GRM5: variants seen among roughly 807,000 people sequenced by gnomAD.
GRM5 encodes the protein metabotropic glutamate receptor 5.
A neutral mutation model predicts 83.1 loss-of-function variants in GRM5; 19 were observed. The ratio of observed to expected loss-of-function variants is 0.23; its 90% CI spans 0.16 to 0.34. The LOEUF (loss-of-function observed/expected upper bound fraction) is 0.34, where lower values mean the gene tolerates loss of function less well. GRM5 is among the 10% of genes least tolerant of loss of function. GRM5 has a pLI of 1.00. For synonymous variants in GRM5, 675 were observed against 633.6 expected, an observed-to-expected ratio of 1.07 and a Z score of -0.98; for missense variants, 1,160 against 1,588.3, an observed-to-expected ratio of 0.73 and a Z score of 4.58.
intron 1 of GRM5, among the ~76,000 whole-genome samples, chr11:89,051,328 A>G (rs1341572972): frequency 6.6e-6 from 1 of 152,066 alleles, no homozygotes; most frequent in African/African-American, 2.4e-5. Context: ...TACAACATGA[A>G]GAACATGGGA....
intron 3 of GRM5, among the ~76,000 whole-genome samples, chr11:88,679,633 C>T (rs556268105): frequency 1.3e-5 from 2 of 152,034 alleles, no homozygotes; most frequent in African/African-American, 4.8e-5. Context: ...TATCCTGGGG[C>T]TCAAATACTT....
intron 3 of GRM5, among the ~76,000 whole-genome samples, chr11:88,803,872 G>A (rs1005212784): frequency 1.8e-4 from 28 of 152,250 alleles, no homozygotes; most frequent in East Asian, 9.6e-4. Flanking sequence ...AAAAGTGGGC[G>A]AAGGACATGA....
At chr11:89,042,156 T>G (rs914527619) in intron 2 of GRM5, among the ~76,000 whole-genome samples, 1 of 152,206 alleles carries the variant, frequency 6.6e-6, no homozygotes, top group Non-Finnish European at 1.5e-5. Flanking sequence ...GCAATTCTCC[T>G]GTGAAGGCTA....
intron 2 of GRM5, among the ~76,000 whole-genome samples, chr11:88,887,747 C>T (rs578069610): frequency 1.3e-5 from 2 of 152,304 alleles, no homozygotes; most frequent in South Asian, 4.1e-4. Context: ...TCAGCCTGCA[C>T]TCCCCTGGAG....
chr11:88,607,663 C>A (rs1376822337), intron 4 of GRM5, among the ~76,000 whole-genome samples: 1 of 152,202 alleles, frequency 6.6e-6, no homozygotes, highest in East Asian at 1.9e-4. Flanking sequence ...CCCCTTATTC[C>A]TTTGACTCAA....
chr11:88,978,505 A>C (rs12277371), intron 2 of GRM5, among the ~76,000 whole-genome samples: 5,760 of 99,926 alleles, frequency 0.058, 506 homozygotes, highest in African/African-American at 0.19. Flanking sequence ...AAAAAAAAAA[A>C]AAAAAAAAAA....
intron 2 of GRM5, among the ~76,000 whole-genome samples, chr11:88,857,631 G>A (rs1173942535): frequency 6.6e-6 from 1 of 152,022 alleles, no homozygotes; most frequent in Admixed American, 6.6e-5. Flanking sequence ...TCCCACTACA[G>A]CCATATGTGC....
chr11:89,008,602 A>G (rs1940595494), intron 2 of GRM5, among the ~76,000 whole-genome samples: 1 of 152,274 alleles, frequency 6.6e-6, no homozygotes, highest in East Asian at 1.9e-4. Context: ...AACTCAAAGA[A>G]CACAATCATG....
chr11:88,867,848 T>C (rs1944699441), intron 2 of GRM5, among the ~76,000 whole-genome samples: 1 of 151,892 alleles, frequency 6.6e-6, no homozygotes, highest in African/African-American at 2.4e-5. Context: ...TTTCTGTTGT[T>C]TACGAACCAC....
chr11:88,614,017 C>T (rs936709815), intron 4 of GRM5, among the ~76,000 whole-genome samples: 2 of 152,154 alleles, frequency 1.3e-5, no homozygotes, highest in African/African-American at 4.8e-5. Context: ...CAGTGACAAT[C>T]TCTGAGGCCA....
At chr11:89,041,349 T>C (rs534158832) in intron 2 of GRM5, among the ~76,000 whole-genome samples, 38 of 152,296 alleles carry the variant, frequency 2.5e-4, no homozygotes, top group African/African-American at 8.9e-4. Flanking sequence ...ATCCTGGACA[T>C]GGAGTATTTG....
intron 2 of GRM5, among the ~76,000 whole-genome samples, chr11:89,038,177 GT>G (rs1312430125): frequency 6.6e-6 from 1 of 151,732 alleles, no homozygotes; most frequent in Non-Finnish European, 1.5e-5. Flanking sequence ...GTGTGTGTGT[GT>G]GAAAATCAAT....
intron 3 of GRM5, among the ~76,000 whole-genome samples, chr11:88,663,858 A>G (rs529267264): frequency 7.9e-5 from 12 of 152,338 alleles, no homozygotes; most frequent in African/African-American, 2.9e-4. Flanking sequence ...TAATTTTTTT[A>G]TTGAACACCT....
intron 3 of GRM5, among the ~76,000 whole-genome samples, chr11:88,800,721 C>T (rs1324360885): frequency 6.6e-6 from 1 of 152,088 alleles, no homozygotes; most frequent in Non-Finnish European, 1.5e-5. Flanking sequence ...TAAGTCCCTC[C>T]TCTATCAGTT....
At chr11:88,521,178 G>T (rs1023046094) in intron 9 of GRM5, among the ~76,000 whole-genome samples, 1 of 152,146 alleles carries the variant, frequency 6.6e-6, no homozygotes, top group African/African-American at 2.4e-5. Flanking sequence ...AGCTTTTTGG[G>T]AGGCCTAGGT....
In GRM5 at chr11:88,820,374, C is replaced by CAAAAAA. The variant is rs11457342; in HGVS notation, c.911+29526_911+29531dup. ...TGGGCAACAGAGCAAAACTCCATCT[C>CAAAAAA]AAAAAAAAAAAAAAAAAAAGCCAAT... On this transcript the variant is annotated intron_variant, in intron 3 of 9. Transcript: ENST00000305447. Among the ~76,000 whole-genome samples, 71 of 68,788 alleles carry CAAAAAA rather than the reference C, an allele frequency of 1.0e-3. 3 individuals carry two copies. Among genetic ancestry groups the CAAAAAA allele is most frequent in the African/African-American group, 2.2e-3 (36 of 16,712 alleles). 45.1% of individuals were successfully genotyped at this position (68,788 alleles called of 152,430 possible). A position where few individuals can be genotyped will look rare whatever the true frequency, so the allele number is the denominator to read the frequency against.
chr11:88,563,438 T>C (rs1051391224), intron 8 of GRM5, among the ~76,000 whole-genome samples: 1 of 152,206 alleles, frequency 6.6e-6, no homozygotes, highest in Non-Finnish European at 1.5e-5. Flanking sequence ...ATTAGTATCC[T>C]CTTTAAGATA....
chr11:88,951,148 T>C (rs1938449812), intron 2 of GRM5, among the ~76,000 whole-genome samples: 1 of 152,080 alleles, frequency 6.6e-6, no homozygotes, highest in African/African-American at 2.4e-5. Flanking sequence ...TGAACAGAGG[T>C]CTATGTATTT....
At chr11:88,917,181 A>G (rs1323294924) in intron 2 of GRM5, among the ~76,000 whole-genome samples, 1 of 152,158 alleles carries the variant, frequency 6.6e-6, no homozygotes, top group Non-Finnish European at 1.5e-5. Context: ...AAGTAAAGAG[A>G]ACAAGACTTT....
Sources: allele counts gnomAD v4.1 joint callset (sites outside exome capture counted in the v4.1 genomes callset), GRCh38; gene constraint gnomAD v4.1.1; transcripts MANE v1.5; gene names NCBI Gene and HGNC (gene_info 2026-07-23, HGNC 2026-07-21).